The following WBP2NL variants were observed in gnomAD, a reference collection of about 807,000 sequenced individuals.
WBP2NL encodes the protein WBP2 N-terminal like.
Under a neutral mutation model 23.3 loss-of-function variants are expected in WBP2NL, and 27 were observed. The observed-to-expected ratio is 1.16, with a 90% CI of 0.85 to 1.60. The LOEUF (loss-of-function observed/expected upper bound fraction) is 1.60. Ranked by LOEUF, WBP2NL falls within the 40% of genes most tolerant of loss-of-function variation. The probability of loss-of-function intolerance (pLI) is 0.00; values close to 1 mark genes in which losing one functional copy is unlikely to be tolerated. For missense variants in WBP2NL, 370 were observed against 389.5 expected (o/e 0.95, Z 0.42); for synonymous variants, 151 against 145.9 (o/e 1.03, Z -0.25).
At chr22:42,050,343 AAAAAC>A (rs2146824106) in intron 8 of WBP2NL, among the ~76,000 whole-genome samples, 1 of 151,548 alleles carries the variant, frequency 6.6e-6, no homozygotes, top group East Asian at 2.0e-4. Context: ...TAAAAAAACA[AAAAAC>A]AAAAAAAACA....
chr22:42,034,719 G>A (rs1303180509), downstream of WBP2NL, among the ~76,000 whole-genome samples: 2 of 152,076 alleles, frequency 1.3e-5, no homozygotes, highest in Non-Finnish European at 2.9e-5. Context: ...GCCCCGGGGG[G>A]GCCAGTTCAG....
intron 1 of WBP2NL, chr22:42,001,421 C>T: frequency 1.3e-6 from 1 of 776,882 alleles, no homozygotes; most frequent in Non-Finnish European, 2.2e-6. Context: ...GTAGATAATA[C>T]CCTGCACAGA....
chr22:42,043,039 A>T (rs987304405), intron 8 of WBP2NL, among the ~76,000 whole-genome samples: 1 of 147,430 alleles, frequency 6.8e-6, no homozygotes, highest in African/African-American at 2.5e-5. Flanking sequence ...AAAAAAAAAA[A>T]GGAGAAGAAG....
chr22:42,011,334 G>T (rs760946537), intron 1 of WBP2NL, among the ~76,000 whole-genome samples: 3 of 151,958 alleles, frequency 2.0e-5, no homozygotes, highest in African/African-American at 7.3e-5. Flanking sequence ...GCTTACTGCT[G>T]CCTCAATCTC....
chr22:42,000,815 G>T (rs931318526), intron 1 of WBP2NL, among the ~76,000 whole-genome samples: 4 of 151,010 alleles, frequency 2.6e-5, no homozygotes, highest in Non-Finnish European at 4.4e-5. Context: ...GATGTCTGTA[G>T]TCCCAGCTAC....
intron 1 of WBP2NL, among the ~76,000 whole-genome samples, chr22:42,007,843 A>G (rs1032395403): frequency 8.3e-6 from 1 of 121,186 alleles, no homozygotes; most frequent in Admixed American, 7.8e-5. Flanking sequence ...GTTATTGTGA[A>G]TAGTGCTGCT....
In WBP2NL at chr22:42,022,252, C is replaced by T. The variant is rs754988643; in HGVS notation, c.410C>T (p.Ala137Val). Reference sequence around the variant, plus strand: ...TTTGCCAAATTTGTCTTTCCAGCTGCCCGAGGATTTCCACTTAGAACCTTA... The same window carrying T: ...TTTGCCAAATTTGTCTTTCCAGCTGTCCGAGGATTTCCACTTAGAACCTTA... ...QLMVKAASAA[A>V]RGFPLRTLND... The change falls in exon 5 of 6, where the codon GCC (alanine) becomes GTC (valine). Residue 137 changes from alanine (A) to valine (V), a missense_variant. Transcript: ENST00000328823. The T allele has an allele frequency of 5.6e-5, 90 of 1,614,048 alleles. No homozygotes were observed. The highest frequency in any genetic ancestry group is 7.2e-5 in the Non-Finnish European group (85 of 1,180,024).
intron 4 of WBP2NL, among the ~76,000 whole-genome samples, chr22:42,020,468 A>G (rs975491823): frequency 2.0e-5 from 3 of 152,096 alleles, no homozygotes; most frequent in South Asian, 2.1e-4. Context: ...CCTACCTACA[A>G]TTGTCAAGTA....
At chr22:42,007,648 A>T (rs1427340961) in intron 1 of WBP2NL, among the ~76,000 whole-genome samples, 1 of 152,202 alleles carries the variant, frequency 6.6e-6, no homozygotes, top group Non-Finnish European at 1.5e-5. Flanking sequence ...AAGTGTAATG[A>T]CAATATTTGT....
At chr22:42,034,017 G>A (rs565500582), downstream of WBP2NL, among the ~76,000 whole-genome samples, 12 of 152,320 alleles carry the variant, frequency 7.9e-5, no homozygotes, top group East Asian at 1.7e-3. Context: ...GCCTCCTTCC[G>A]TTGATGGTAC....
Position 42,019,547 on chromosome 22 carries a change from G to A in WBP2NL, c.172-115G>A, listed in dbSNP as rs563754587. 3.9e-6 allele frequency: 6 copies of A among 1,527,900 alleles called. No individual in the cohort carries two copies. In the East Asian group the frequency reaches 1.4e-4, roughly 34 times the overall value. The allele number at this position is 1,527,900 out of a possible 1,614,324, so 94.6% of individuals were successfully genotyped here. Reference sequence around the variant, plus strand: ...GCTTTGGGATTTTCCACACTGAAGGGTGGTGGAAGAAAAGATGATGTTTCT... The same window carrying A: ...GCTTTGGGATTTTCCACACTGAAGGATGGTGGAAGAAAAGATGATGTTTCT... On this transcript the variant is annotated intron_variant, in intron 2 of 5. Transcript: ENST00000328823.
Position 42,047,620 on chromosome 22 carries a change from A to AT in WBP2NL, c.*274-10670_*274-10669insT, listed in dbSNP as rs1325099216. 3.3e-5 allele frequency among the ~76,000 whole-genome samples: 4 copies of AT among 122,326 alleles called. No individual in the cohort carries two copies. The South Asian group carries it at 1.1e-3, about 33-fold the overall frequency. 80.3% of individuals were successfully genotyped at this position (122,326 alleles called of 152,430 possible). Reference sequence around the variant, plus strand: ...CCCGCCTCCCAAAAAAAACCAATCAAATTTTTTTTTTTTTTTTTTGAGACA... The same window carrying AT: ...CCCGCCTCCCAAAAAAAACCAATCAATATTTTTTTTTTTTTTTTTTGAGACA... On this transcript the variant is annotated intron_variant and NMD_transcript_variant, in intron 8 of 8. Coordinates refer to the WBP2NL transcript ENST00000436265.
At chr22:42,038,890 C>T (rs1176387190) in intron 8 of WBP2NL, among the ~76,000 whole-genome samples, 2 of 150,356 alleles carry the variant, frequency 1.3e-5, no homozygotes, top group Admixed American at 1.3e-4. Context: ...AGGCGTGAGC[C>T]ACTGCGTCCA....
At chr22:42,039,952 C>T (rs1367127681) in intron 8 of WBP2NL, among the ~76,000 whole-genome samples, 26 of 150,792 alleles carry the variant, frequency 1.7e-4, no homozygotes, top group Non-Finnish European at 2.7e-4. Context: ...GTTTTGTTAC[C>T]CAGAGCTGGA....
Position 42,005,283 on chromosome 22 carries a change from G to A in WBP2NL, c.62+6403G>A, listed in dbSNP as rs528917911. ...AATCCCAGCACTTTGGGAGGCTGAG[G>A]CAGGTGGATCACCTGAGGTCAGGAG... is the stretch of plus-strand genomic sequence containing the variant. On this transcript the variant is annotated intron_variant, in intron 1 of 5. Transcript: ENST00000328823. Among the ~76,000 whole-genome samples the A allele has an allele frequency of 3.3e-5, 5 of 152,136 alleles. No homozygotes were observed. In the East Asian group the frequency reaches 9.7e-4, roughly 29 times the overall value.
chr22:42,000,104 T>A (rs920886973), intron 1 of WBP2NL, among the ~76,000 whole-genome samples: 1 of 152,192 alleles, frequency 6.6e-6, no homozygotes, highest in Non-Finnish European at 1.5e-5. Flanking sequence ...CAACCAGCAT[T>A]GAAACTCAAG....
chr22:42,018,390 AAAGAAGGGAAGGG>A (rs1370146240), intron 1 of WBP2NL, among the ~76,000 whole-genome samples: 1 of 150,446 alleles, frequency 6.6e-6, no homozygotes, highest in African/African-American at 2.5e-5. Context: ...AAATGGAAGG[AAAGAAGGGAAGGG>A]AAGAAGGGAA....
intron 1 of WBP2NL, among the ~76,000 whole-genome samples, chr22:42,014,717 T>C (rs1923150357): frequency 6.6e-6 from 1 of 152,214 alleles, no homozygotes; most frequent in South Asian, 2.1e-4. Flanking sequence ...AATAATTCTC[T>C]CTTCTGCCTG....
chr22:42,026,937 C>T lies in WBP2NL; in HGVS notation c.686C>T (p.Ala229Val), dbSNP rs1401850843. 3 of 1,611,240 alleles carry T rather than the reference C, an allele frequency of 1.9e-6. No homozygotes were observed. Among genetic ancestry groups the T allele is most frequent in the Admixed American group, 3.3e-5 (2 of 59,720 alleles). ...APPLGYGAPPAGYGAPPLGYG... is the reference protein window; with the variant it reads ...APPLGYGAPPVGYGAPPLGYG... ...CCTCTTGGATACGGAGCCCCACCTGCAGGATATGGAGCCCCACCTCTAGGA... is the reference window on the plus strand; with the variant it reads ...CCTCTTGGATACGGAGCCCCACCTGTAGGATATGGAGCCCCACCTCTAGGA... The change falls in exon 6 of 6, where the codon GCA becomes GTA. Residue 229 changes from alanine to valine, a missense_variant. Transcript: ENST00000328823.
Sources: allele counts gnomAD v4.1 joint callset (sites outside exome capture counted in the v4.1 genomes callset), GRCh38; gene constraint gnomAD v4.1.1; transcripts MANE v1.5; gene names NCBI Gene and HGNC (gene_info 2026-07-23, HGNC 2026-07-21).